NKAIN4: variants seen among roughly 807,000 people sequenced by gnomAD.
NKAIN4 encodes sodium/potassium transporting ATPase interacting 4.
In NKAIN4, 28 loss-of-function variants were observed where a neutral mutation model predicts 28.8. That is an observed-to-expected ratio of 0.97 (90% CI 0.72 to 1.33). NKAIN4 has a LOEUF of 1.33. Among genes scored for constraint, NKAIN4 ranks in the 40% most tolerant of loss-of-function variants. The pLI, the probability that NKAIN4 is intolerant of heterozygous loss-of-function variation, is 0.00. For synonymous variants in NKAIN4, 122 were observed against 115.6 expected (o/e 1.06, Z -0.36); for missense variants, 289 against 277.2 (o/e 1.04, Z -0.30).
intron 1 of NKAIN4, chr20:63,254,100 G>T (rs34203226): frequency 0.51 from 211,015 of 415,344 alleles, 55,468 homozygotes; most frequent in African/African-American, 0.65. Flanking sequence ...CCCGCCCGAA[G>T]GCTTCCGTCC....
rs2066808747 is a variant in NKAIN4 at position 63,243,941 on chromosome 20, C to T, written c.532+83G>A. 3 of 1,220,444 alleles carry T rather than the reference C, an allele frequency of 2.5e-6. No homozygotes were observed. In the South Asian group the frequency reaches 4.0e-5, roughly 16 times the overall value. The allele number at this position is 1,220,444 out of a possible 1,614,324, so 75.6% of individuals were successfully genotyped here. A position where few individuals can be genotyped will look rare whatever the true frequency, so the allele number is the denominator to read the frequency against. ...CCCTTCCAAGTGGGGAGGTCTCTCG[C>T]CTTGCCCCAGACGGGACAGACTCAG... is the stretch of plus-strand genomic sequence containing the variant. On this transcript the variant is annotated intron_variant, in intron 5 of 6. Coordinates refer to ENST00000370316, the MANE Select transcript of NKAIN4 (RefSeq NM_152864.4).
chr20:63,244,071 A>T lies in NKAIN4; in HGVS notation c.485T>A (p.Val162Asp), dbSNP rs1311318985. Residue 162 changes from valine to aspartate, a missense_variant, in exon 5 of 7, where the codon GTC becomes GAC. Coordinates refer to ENST00000370316, the MANE Select transcript of NKAIN4 (RefSeq NM_152864.4). ...LQILIALLGF[V>D]CGCQVVSVFT... ...CACGCTGACCACCTGGCAGCCACAG[A>T]CAAAGCCCAGAAGCTGAAAGACACC... is the stretch of plus-strand genomic sequence containing the variant. 6.2e-7 allele frequency: 1 copy of T among 1,613,770 alleles called. No individual in the cohort carries two copies.
chr20:63,246,963 C>G, intron 4 of NKAIN4: 3 of 990,046 alleles, frequency 3.0e-6, no homozygotes, highest in Non-Finnish European at 3.6e-6. Context: ...TGTTCTCTAC[C>G]AACCCGTGCA....
upstream of NKAIN4, chr20:63,254,579 CCCCCGGCCCAGCCCCAG>C (rs1312307192): frequency 1.5e-4 from 95 of 635,194 alleles, no homozygotes; most frequent in Non-Finnish European, 1.8e-4. Flanking sequence ...CTCCCCGCAA[CCCCCGGCCCAGCCCCAG>C]CCCCGGGTAA....
intron 1 of NKAIN4, 51 bp from the exon 2 acceptor site, chr20:63,250,123 C>A: frequency 6.6e-7 from 1 of 1,517,256 alleles, no homozygotes; most frequent in South Asian, 1.3e-5. Context: ...AGGCCCCAGG[C>A]CCGCCAGCCA....
chr20:63,250,909 TA>T (rs2066946979), intron 1 of NKAIN4, among the ~76,000 whole-genome samples: 1 of 14,546 alleles, frequency 6.9e-5, no homozygotes, highest in Admixed American at 7.2e-4. Context: ...CCAGCCGCCC[TA>T]TCCCCCACCC....
chr20:63,243,044 C>T (rs561762951), intron 5 of NKAIN4, among the ~76,000 whole-genome samples: 70 of 152,326 alleles, frequency 4.6e-4, no homozygotes, highest in African/African-American at 1.3e-3. Flanking sequence ...ATGTTCAGAC[C>T]GATGGCTTCC....
Position 63,244,096 on chromosome 20 carries a change from C to T in NKAIN4, c.472-12G>A, listed in dbSNP as rs761751287. The T allele has an allele frequency of 2.5e-6, 4 of 1,612,578 alleles. No homozygotes were observed. The South Asian group carries it at 3.3e-5, about 13-fold the overall frequency. On this transcript the variant is annotated splice_polypyrimidine_tract_variant and intron_variant, in intron 4 of 6. Coordinates refer to ENST00000370316, the MANE Select transcript of NKAIN4 (RefSeq NM_152864.4). Reference sequence around the variant, plus strand: ...ACAAAGCCCAGAAGCTGAAAGACACCACAGGCAGGGGCGTGAGTGCGGCCA... The same window carrying T: ...ACAAAGCCCAGAAGCTGAAAGACACTACAGGCAGGGGCGTGAGTGCGGCCA...
intron 4 of NKAIN4, among the ~76,000 whole-genome samples, chr20:63,246,021 G>A (rs956111687): frequency 4.6e-5 from 7 of 151,486 alleles, no homozygotes; most frequent in African/African-American, 1.7e-4. Flanking sequence ...TCTGCCTCCC[G>A]GGTTCATGCC....
In NKAIN4 at chr20:63,244,016, A is replaced by G; in HGVS notation, c.532+8T>C. 1 of 1,611,820 alleles carries G rather than the reference A, an allele frequency of 6.2e-7. No individual in the cohort carries two copies. Among genetic ancestry groups the G allele is most frequent in the Non-Finnish European group, 8.5e-7 (1 of 1,178,500 alleles). ...CCGCCCCACTGCCTGCAGAGGCCCC[A>G]TACTCACAGCTGTCCTCTTCCTCCG... On this transcript the variant is annotated splice_region_variant and intron_variant, in intron 5 of 6. Transcript: ENST00000370316.
intron 1 of NKAIN4, chr20:63,254,148 G>A (rs2067010962): frequency 2.3e-6 from 1 of 430,142 alleles, no homozygotes; most frequent in Non-Finnish European, 4.1e-6. Flanking sequence ...ACCTGTCCCC[G>A]CCGCTCCGGA....
At chr20:63,247,897 T>C in intron 3 of NKAIN4, 122 bp from the exon 4 acceptor site, 1 of 1,309,788 alleles carries the variant, frequency 7.6e-7, no homozygotes, top group Non-Finnish European at 9.9e-7. Context: ...TCACCTCCCC[T>C]GTCCTCCCAC....
rs2067016014 is a variant in NKAIN4, at chr20:63,254,434, C to T, written c.17G>A (p.Gly6Asp). Residue 6 changes from glycine to aspartate, a missense_variant, in exon 1 of 7, where the codon GGC becomes GAC. Gly to Asp is a moderately conservative substitution (Grantham distance 94, BLOSUM62 -1). Coordinates refer to ENST00000370316, the MANE Select transcript of NKAIN4 (RefSeq NM_152864.4). MGSCS[G>D]RCALVVLCAF... ...GCAGAGGACGACGAGCGCGCAGCGGCCGGAGCAGGAGCCCATGGTGCCCGC... is the reference window on the plus strand; with the variant it reads ...GCAGAGGACGACGAGCGCGCAGCGGTCGGAGCAGGAGCCCATGGTGCCCGC... The T allele has an allele frequency of 7.0e-7, 1 of 1,431,452 alleles. No homozygotes were observed. Among genetic ancestry groups the T allele is most frequent in the Admixed American group, 2.6e-5 (1 of 38,582 alleles). 88.7% of individuals were successfully genotyped at this position (1,431,452 alleles called of 1,614,324 possible). A position where few individuals can be genotyped will look rare whatever the true frequency, so the allele number is the denominator to read the frequency against.
chr20:63,250,697 G>C (rs78371785), intron 1 of NKAIN4, among the ~76,000 whole-genome samples: 9,690 of 152,202 alleles, frequency 0.064, 401 homozygotes, highest in Middle Eastern at 0.13. Flanking sequence ...ACCAATGAGG[G>C]GGGGAGGGAA....
chr20:63,253,322 G>T (rs2295538), intron 1 of NKAIN4: 513,272 of 984,924 alleles, frequency 0.52, 135,165 homozygotes, highest in African/African-American at 0.69. Context: ...CCAGGAAAGC[G>T]CCGGAAGCTC....
chr20:63,244,585 G>GT, intron 4 of NKAIN4: 1 of 470,044 alleles, frequency 2.1e-6, no homozygotes, highest in Non-Finnish European at 4.4e-6. Context: ...ACAGGCTGAG[G>GT]ACTCGGGGTC....
chr20:63,251,564 G>A (rs1254312718), intron 1 of NKAIN4, among the ~76,000 whole-genome samples: 1 of 152,172 alleles, frequency 6.6e-6, no homozygotes, highest in African/African-American at 2.4e-5. Flanking sequence ...GGAGCCCTCT[G>A]GTGGCCCTGT....
intron 4 of NKAIN4, chr20:63,247,107 G>T (rs2066873018): frequency 9.6e-7 from 1 of 1,042,172 alleles, no homozygotes; most frequent in Non-Finnish European, 1.2e-6. Flanking sequence ...CATACGCCAG[G>T]GTTCCCGACA....
At chr20:63,251,844 C>G (rs969139636) in intron 1 of NKAIN4, among the ~76,000 whole-genome samples, 10 of 152,106 alleles carry the variant, frequency 6.6e-5, no homozygotes, top group African/African-American at 2.4e-4. Context: ...TGCCTGGGCA[C>G]CTGGGTGGCT....
Sources: allele counts gnomAD v4.1 joint callset (sites outside exome capture counted in the v4.1 genomes callset), GRCh38; gene constraint gnomAD v4.1.1; transcripts MANE v1.5; gene names NCBI Gene and HGNC (gene_info 2026-07-23, HGNC 2026-07-21).